The following FAM135B variants were observed in gnomAD, a reference collection of about 807,000 sequenced individuals.
The protein encoded by FAM135B is family with sequence similarity 135 member B.
Under a neutral mutation model 127.7 loss-of-function variants are expected in FAM135B, and 43 were observed. The ratio of observed to expected loss-of-function variants is 0.34; its 90% CI spans 0.26 to 0.43. The LOEUF is 0.43. Among genes scored for constraint, FAM135B ranks in the 20% least tolerant of loss-of-function variants. The probability of loss-of-function intolerance (pLI) is 1.00; values close to 1 mark genes in which losing one functional copy is unlikely to be tolerated. For missense variants in FAM135B, 1,558 were observed against 1,725.6 expected, an observed-to-expected ratio of 0.90 and a Z score of 1.72; for synonymous variants, 670 against 665.1, an observed-to-expected ratio of 1.01 and a Z score of -0.11.
Position 138,186,778 on chromosome 8 carries a change from C to G in FAM135B, c.874-8088G>C, listed in dbSNP as rs117239178. On this transcript the variant is annotated intron_variant, in intron 9 of 19. Coordinates refer to ENST00000395297, the MANE Select transcript of FAM135B (RefSeq NM_015912.4). ...GAAGAGGAAGGCAATTAGTTGACCT[C>G]TCATAAAATATACTTGATCAAGTCA... Among the ~76,000 whole-genome samples the G allele has an allele frequency of 4.7e-4, 72 of 152,306 alleles. No homozygotes were observed. The East Asian group carries it at 0.01, about 22-fold the overall frequency.
chr8:138,454,412 C>T (rs1317272154), intron 1 of FAM135B, among the ~76,000 whole-genome samples: 4 of 152,106 alleles, frequency 2.6e-5, no homozygotes, highest in Non-Finnish European at 4.4e-5. Flanking sequence ...AGTCTTAGTG[C>T]GGCTGGCAGA....
chr8:138,389,999 CTTATGTATTTA>C (rs961075592), intron 1 of FAM135B, among the ~76,000 whole-genome samples: 1 of 152,094 alleles, frequency 6.6e-6, no homozygotes, highest in African/African-American at 2.4e-5. Context: ...TGTGTATGTT[CTTATGTATTTA>C]TGTTTAATGC....
chr8:138,421,076 C>T (rs1303097674), intron 1 of FAM135B, among the ~76,000 whole-genome samples: 1 of 152,222 alleles, frequency 6.6e-6, no homozygotes, highest in Admixed American at 6.5e-5. Context: ...CTTTGGGAGG[C>T]AGAGGCAGAC....
chr8:138,426,026 TATACACACAC>T (rs1834855448), intron 1 of FAM135B, among the ~76,000 whole-genome samples: 1 of 41,222 alleles, frequency 2.4e-5, no homozygotes, highest in African/African-American at 1.3e-4. Context: ...CACACATACA[TATACACACAC>T]ACACACACAC....
intron 3 of FAM135B, among the ~76,000 whole-genome samples, chr8:138,300,852 G>C (rs79454918): frequency 0.052 from 7,734 of 147,918 alleles, 311 homozygotes; most frequent in East Asian, 0.18. Flanking sequence ...CCAGGTTCAA[G>C]CGATTCTCCT....
intron 3 of FAM135B, among the ~76,000 whole-genome samples, chr8:138,298,522 A>C (rs1825635646): frequency 6.6e-6 from 1 of 152,224 alleles, no homozygotes; most frequent in African/African-American, 2.4e-5. Flanking sequence ...AACTTGGTGC[A>C]TTCAAGAATG....
At chr8:138,384,993 CA>C (rs941558212) in intron 1 of FAM135B, among the ~76,000 whole-genome samples, 4 of 152,178 alleles carry the variant, frequency 2.6e-5, no homozygotes, top group African/African-American at 9.6e-5. Flanking sequence ...TCGGCCAACG[CA>C]GTCTGATATA....
rs1818706552 is a variant in FAM135B at position 138,156,057 on chromosome 8, C to T, written c.1259-2841G>A. On this transcript the variant is annotated intron_variant, in intron 12 of 19. Coordinates refer to ENST00000395297, the MANE Select transcript of FAM135B (RefSeq NM_015912.4). Reference sequence around the variant, plus strand: ...CCAAATAGATGGAAGTAAAGCACTCCTCAGCAAATGTAAAAGAACAGAAAT... The same window carrying T: ...CCAAATAGATGGAAGTAAAGCACTCTTCAGCAAATGTAAAAGAACAGAAAT... Among the ~76,000 whole-genome samples, 6 of 152,144 alleles carry T rather than the reference C, an allele frequency of 3.9e-5. No homozygotes were observed. The South Asian group carries it at 1.2e-3, about 31-fold the overall frequency.
intron 1 of FAM135B, among the ~76,000 whole-genome samples, chr8:138,429,302 T>A (rs752192279): frequency 5.9e-5 from 9 of 152,206 alleles, no homozygotes; most frequent in Non-Finnish European, 1.0e-4. Context: ...TGAGCCCATG[T>A]CCTATAAAAC....
chr8:138,442,489 A>C (rs1416167147), intron 1 of FAM135B, among the ~76,000 whole-genome samples: 1 of 151,904 alleles, frequency 6.6e-6, no homozygotes, highest in African/African-American at 2.4e-5. Flanking sequence ...GATAGGATGT[A>C]GCTAAGACTT....
chr8:138,270,480 T>A (rs1249904200), intron 3 of FAM135B, among the ~76,000 whole-genome samples: 1 of 152,186 alleles, frequency 6.6e-6, no homozygotes, highest in Non-Finnish European at 1.5e-5. Flanking sequence ...CCACCTAACC[T>A]GAAACAAAGA....
chr8:138,138,955 C>A (rs2130562083), intron 18 of FAM135B, 31 bp downstream of exon 18: 1 of 1,352,654 alleles, frequency 7.4e-7, no homozygotes, highest in South Asian at 1.2e-5. Context: ...AGCTCAAACT[C>A]ATAACTGCAG....
chr8:138,230,090 T>C (rs1254825583), intron 7 of FAM135B, among the ~76,000 whole-genome samples: 1 of 151,878 alleles, frequency 6.6e-6, no homozygotes, highest in Non-Finnish European at 1.5e-5. Flanking sequence ...CTGGCTAGAG[T>C]CCAGACACAT....
chr8:138,375,392 T>C (rs1293118687), intron 1 of FAM135B, among the ~76,000 whole-genome samples: 3 of 152,174 alleles, frequency 2.0e-5, no homozygotes, highest in Non-Finnish European at 4.4e-5. Context: ...TGTTTGTGTG[T>C]GTGTGTGTAT....
chr8:138,471,563 G>A (rs1050914990), intron 1 of FAM135B, among the ~76,000 whole-genome samples: 2 of 152,130 alleles, frequency 1.3e-5, no homozygotes, highest in Non-Finnish European at 2.9e-5. Flanking sequence ...ACTGAGACAG[G>A]AACCTCAAAG....
At chr8:138,143,767 C>T (rs1817419877) in intron 15 of FAM135B, among the ~76,000 whole-genome samples, 1 of 152,068 alleles carries the variant, frequency 6.6e-6, no homozygotes, top group Admixed American at 6.5e-5. Flanking sequence ...GGCCAATATC[C>T]AAAAATGTTT....
intron 1 of FAM135B, among the ~76,000 whole-genome samples, chr8:138,444,564 T>C (rs887547253): frequency 1.3e-5 from 2 of 151,876 alleles, no homozygotes; most frequent in Non-Finnish European, 2.9e-5. Context: ...GGGTACATAA[T>C]GAAATGAAGG....
intron 3 of FAM135B, among the ~76,000 whole-genome samples, chr8:138,277,627 T>G (rs149332720): frequency 6.6e-6 from 1 of 152,170 alleles, no homozygotes; most frequent in Non-Finnish European, 1.5e-5. Flanking sequence ...AGCCAGTGTA[T>G]GGTAACCACA....
At chr8:138,367,161 C>T (rs1411506654) in intron 2 of FAM135B, among the ~76,000 whole-genome samples, 1 of 152,150 alleles carries the variant, frequency 6.6e-6, no homozygotes, top group African/African-American at 2.4e-5. Context: ...ATAGATACCC[C>T]TTGTTTTCTG....
Sources: gnomAD v4.1 joint callset for allele counts (sites outside exome capture counted in the v4.1 genomes callset) on GRCh38, gnomAD v4.1.1 for gene constraint, MANE v1.5 for transcripts, NCBI Gene and HGNC (gene_info 2026-07-23, HGNC 2026-07-21) for gene names.